Variants in ZC2HC1B observed in about 807,000 individuals in gnomAD.
ZC2HC1B encodes zinc finger C2HC domain-containing protein 1B.
In ZC2HC1B, 36 loss-of-function variants were observed where a neutral mutation model predicts 31.0. That is an observed-to-expected ratio of 1.16 (90% CI 0.89 to 1.54). The LOEUF (loss-of-function observed/expected upper bound fraction) is 1.54, where lower values mean the gene tolerates loss of function less well. ZC2HC1B is among the 40% of genes most tolerant of loss of function. The pLI, the probability that ZC2HC1B is intolerant of heterozygous loss-of-function variation, is 0.00. For missense variants in ZC2HC1B, 260 were observed against 268.6 expected (o/e 0.97, Z 0.22); for synonymous variants, 73 against 88.0 (o/e 0.83, Z 0.95).
Position 143,883,327 on chromosome 6 carries a change from C to T in ZC2HC1B, c.29-977C>T, listed in dbSNP as rs1777492086. On this transcript the variant is annotated intron_variant, in intron 1 of 7. Transcript: ENST00000237275. The surrounding 1 kb of genome is among the most constrained non-coding windows in gnomAD (Gnocchi z 4.1). The stretch of plus-strand genomic sequence containing the variant: ...GTGTTGGGATTACAGGCGTGAGCCA[C>T]CACACCTGACCCACCTGCAGCTTTT... Among the ~76,000 whole-genome samples the T allele has an allele frequency of 6.6e-6, 1 of 152,224 alleles. No individual in the cohort carries two copies. Among genetic ancestry groups the T allele is most frequent in the African/African-American group, 2.4e-5 (1 of 41,450 alleles).
At chr6:143,914,635 T>C (rs956152373) in intron 6 of ZC2HC1B, among the ~76,000 whole-genome samples, 2 of 152,144 alleles carry the variant, frequency 1.3e-5, no homozygotes, top group African/African-American at 4.8e-5. Flanking sequence ...ATCTGGTTGG[T>C]GTTGAGAGTG....
chr6:143,881,896 T>C (rs1327251317), intron 1 of ZC2HC1B: 1 of 152,204 alleles, frequency 6.6e-6, no homozygotes, highest in Non-Finnish European at 1.5e-5. Flanking sequence ...TATCTGTCAG[T>C]ATTTTAAATT....
At chr6:143,896,867 T>G (rs1216462971) in intron 4 of ZC2HC1B, among the ~76,000 whole-genome samples, 4 of 152,126 alleles carry the variant, frequency 2.6e-5, no homozygotes, top group Non-Finnish European at 5.9e-5. Flanking sequence ...GGCATTTATC[T>G]CCGTGTGAAA....
intron 4 of ZC2HC1B, among the ~76,000 whole-genome samples, chr6:143,896,164 G>T (rs756529518): frequency 1.1e-4 from 17 of 152,166 alleles, no homozygotes; most frequent in Non-Finnish European, 2.1e-4. Context: ...TTCTTCTACA[G>T]TTTATCCCAC....
chr6:143,937,645 A>G lies in ZC2HC1B; in HGVS notation c.599-4A>G. 6.5e-7 allele frequency: 1 copy of G among 1,543,580 alleles called. No individual in the cohort carries two copies. Among genetic ancestry groups the G allele is most frequent in the African/African-American group, 1.4e-5 (1 of 72,564 alleles). ...TAATAACAAATCTGTTTATGTTTGC[A>G]AAGGATTAGCTATGGACCCTGCTTC... On this transcript the variant is annotated splice_polypyrimidine_tract_variant and splice_region_variant and intron_variant, in intron 6 of 7. Transcript: ENST00000237275.
Position 143,877,272 on chromosome 6 carries a change from C to CTTTTTTTTT in ZC2HC1B, c.29-7013_29-7005dup, listed in dbSNP as rs34994479. On this transcript the variant is annotated intron_variant, in intron 1 of 7. Transcript: ENST00000237275. Reference sequence around the variant, plus strand: ...TTTCTCCTAAAGATTTTTTTAATTTCTTTTTTTTTTTTTTTTTTTTTTTTT... The same window carrying CTTTTTTTTT: ...TTTCTCCTAAAGATTTTTTTAATTTCTTTTTTTTTTTTTTTTTTTTTTTTTTTTTTTTTT... 7.7e-4 allele frequency among the ~76,000 whole-genome samples: 33 copies of CTTTTTTTTT among 42,596 alleles called. 1 individual carries two copies. The highest frequency in any genetic ancestry group is 9.6e-4 in the African/African-American group (8 of 8,320). The allele number at this position is 42,596 out of a possible 152,430, so 27.9% of individuals were successfully genotyped here.
chr6:143,916,408 G>A (rs1777916957), intron 6 of ZC2HC1B, among the ~76,000 whole-genome samples: 1 of 152,198 alleles, frequency 6.6e-6, no homozygotes, highest in Non-Finnish European at 1.5e-5. Flanking sequence ...GGAAATGTGG[G>A]GTCAGAGCCC....
chr6:143,884,988 G>A lies in ZC2HC1B; in HGVS notation c.90+623G>A, dbSNP rs750481837. On this transcript the variant is annotated intron_variant, in intron 2 of 7. Coordinates refer to ENST00000237275, the MANE Select transcript of ZC2HC1B (RefSeq NM_001013623.3). This position sits in a 1 kb window ranked among gnomAD's most constrained non-coding sequence, Gnocchi z 5.1. ...AAGCTTGATTTATTTCAAAATTAGG[G>A]AATCAAATAGATGGTATGCCCCAAT... Among the ~76,000 whole-genome samples the A allele has an allele frequency of 5.3e-5, 8 of 152,230 alleles. No individual in the cohort carries two copies. The highest frequency in any genetic ancestry group is 1.0e-4 in the Non-Finnish European group (7 of 68,004).
chr6:143,903,166 C>T lies in ZC2HC1B; in HGVS notation c.598+14C>T, dbSNP rs1246340020. On this transcript the variant is annotated intron_variant, in intron 6 of 7. Transcript: ENST00000237275. The surrounding 1 kb of genome is among the most constrained non-coding windows in gnomAD (Gnocchi z 4.3). ...CAACCAAGTCAGGTGAGTCAAAGCA[C>T]GCATTTCATCTCTCAAATGATGGGG... is the stretch of plus-strand genomic sequence containing the variant. 23 of 1,548,526 alleles carry T rather than the reference C, an allele frequency of 1.5e-5. No homozygotes were observed. Among genetic ancestry groups the T allele is most frequent in the Admixed American group, 2.0e-5 (1 of 50,992 alleles).
rs1777999381 is a variant in ZC2HC1B at position 143,922,976 on chromosome 6, T to A, written c.599-14673T>A. On this transcript the variant is annotated intron_variant, in intron 6 of 7. Coordinates refer to ENST00000237275, the MANE Select transcript of ZC2HC1B (RefSeq NM_001013623.3). The surrounding 1 kb of genome is among the most constrained non-coding windows in gnomAD (Gnocchi z 5.0). ...CTAATTTACTTTCCAACCAACAGTG[T>A]ATAATATAGAGTTCCCTTTTCTCCG... Among the ~76,000 whole-genome samples, 1 of 152,154 alleles carries A rather than the reference T, an allele frequency of 6.6e-6. No homozygotes were observed. Among genetic ancestry groups the A allele is most frequent in the South Asian group, 2.1e-4 (1 of 4,830 alleles).
At chr6:143,925,955 C>T (rs564113927) in intron 6 of ZC2HC1B, among the ~76,000 whole-genome samples, 96 of 152,308 alleles carry the variant, frequency 6.3e-4, no homozygotes, top group African/African-American at 2.3e-3. Context: ...TCTGTGGTAT[C>T]AGTTGTAATG....
At chr6:143,897,190 C>T (rs1777678533) in intron 4 of ZC2HC1B, among the ~76,000 whole-genome samples, 3 of 152,002 alleles carry the variant, frequency 2.0e-5, no homozygotes, top group South Asian at 2.1e-4. Flanking sequence ...TACCCATCCA[C>T]GCATGTAGGA....
At chr6:143,931,955 C>T (rs1778126578) in intron 6 of ZC2HC1B, among the ~76,000 whole-genome samples, 1 of 151,490 alleles carries the variant, frequency 6.6e-6, no homozygotes, top group Non-Finnish European at 1.5e-5. Context: ...ACCTCCACCT[C>T]CCAGGTTCAA....
rs568870852 is a variant in ZC2HC1B at position 143,912,374 on chromosome 6, A to G, written c.598+9222A>G. 2.1e-3 allele frequency among the ~76,000 whole-genome samples: 319 copies of G among 152,084 alleles called. 1 individual carries two copies. Among genetic ancestry groups the G allele is most frequent in the African/African-American group, 7.2e-3 (300 of 41,472 alleles). On this transcript the variant is annotated intron_variant, in intron 6 of 7. Coordinates refer to ENST00000237275, the MANE Select transcript of ZC2HC1B (RefSeq NM_001013623.3). ...CTTTTTGAGTTTTCAGTGTTTTTGC[A>G]TTGCTTCTTTCTCATCTTAGTGGGC...
chr6:143,930,161 C>G (rs558938414), intron 6 of ZC2HC1B, among the ~76,000 whole-genome samples: 52 of 151,458 alleles, frequency 3.4e-4, no homozygotes, highest in African/African-American at 1.2e-3. Flanking sequence ...TCTTTTGTTT[C>G]TTGATGTGTA....
At chr6:143,936,851 T>C (rs1778184641) in intron 6 of ZC2HC1B, among the ~76,000 whole-genome samples, 1 of 152,244 alleles carries the variant, frequency 6.6e-6, no homozygotes, top group African/African-American at 2.4e-5. Context: ...AGCAAACCTG[T>C]TGAGCATCAC....
Position 143,922,533 on chromosome 6 carries a change from A to C in ZC2HC1B, c.599-15116A>C, listed in dbSNP as rs1409810182. Among the ~76,000 whole-genome samples the C allele has an allele frequency of 6.6e-6, 1 of 152,118 alleles. No homozygotes were observed. On this transcript the variant is annotated intron_variant, in intron 6 of 7. Coordinates refer to ENST00000237275, the MANE Select transcript of ZC2HC1B (RefSeq NM_001013623.3). This position sits in a 1 kb window ranked among gnomAD's most constrained non-coding sequence, Gnocchi z 5.0. ...TATCATTCTATTCCCTACATCACTGAAATCAACTTTTTTAGCTCCCACATA... is the reference window on the plus strand; with the variant it reads ...TATCATTCTATTCCCTACATCACTGCAATCAACTTTTTTAGCTCCCACATA...
rs1472598278 is a variant in ZC2HC1B at position 143,865,869 on chromosome 6, G to T, written c.28+1302G>T. On this transcript the variant is annotated intron_variant, in intron 1 of 7. Transcript: ENST00000237275. The surrounding 1 kb of genome is among the most constrained non-coding windows in gnomAD (Gnocchi z 4.4). ...CTTGCTCTGGCGCCCGAGCTGGAGC[G>T]CAGTAGTGCGATCTCATCTCACTGC... 6.6e-6 allele frequency among the ~76,000 whole-genome samples: 1 copy of T among 152,038 alleles called. No individual in the cohort carries two copies. The highest frequency in any genetic ancestry group is 6.5e-5 in the Admixed American group (1 of 15,270).
In ZC2HC1B at chr6:143,885,259, C is replaced by G. The variant is rs1339096855; in HGVS notation, c.91-773C>G. On this transcript the variant is annotated intron_variant, in intron 2 of 7. Transcript: ENST00000237275. This position sits in a 1 kb window ranked among gnomAD's most constrained non-coding sequence, Gnocchi z 4.2. Reference sequence around the variant, plus strand: ...TAACTGTGGTTAGAGCCTCCTGAAACTAGAGGGAGAGCTTGCGGGGCTGGT... The same window carrying G: ...TAACTGTGGTTAGAGCCTCCTGAAAGTAGAGGGAGAGCTTGCGGGGCTGGT... Among the ~76,000 whole-genome samples the G allele has an allele frequency of 2.0e-5, 3 of 152,246 alleles. 1 individual carries two copies. In the South Asian group the frequency reaches 6.2e-4, roughly 32 times the overall value.
Sources: allele counts gnomAD v4.1 joint callset (sites outside exome capture counted in the v4.1 genomes callset), GRCh38; gene constraint gnomAD v4.1.1; non-coding constraint Gnocchi (gnomAD v3.1); transcripts MANE v1.5; gene names NCBI Gene and HGNC (gene_info 2026-07-23, HGNC 2026-07-21).